Variants in RBFOX3 observed in about 807,000 individuals in gnomAD.
RBFOX3 encodes RNA binding protein fox-1 homolog 3.
A neutral mutation model predicts 48.7 loss-of-function variants in RBFOX3; 17 were observed. That is an observed-to-expected ratio of 0.35 (90% CI 0.24 to 0.52). The LOEUF (loss-of-function observed/expected upper bound fraction) is 0.52, where lower values mean the gene tolerates loss of function less well. Among genes scored for constraint, RBFOX3 ranks in the 20% least tolerant of loss-of-function variants. The pLI is 0.94. For missense variants in RBFOX3, 382 were observed against 497.5 expected, an observed-to-expected ratio of 0.77 and a Z score of 2.21; for synonymous variants, 212 against 209.5, an observed-to-expected ratio of 1.01 and a Z score of -0.10.
chr17:79,176,775 C>T (rs2050643403), intron 4 of RBFOX3, among the ~76,000 whole-genome samples: 1 of 151,464 alleles, frequency 6.6e-6, no homozygotes, highest in African/African-American at 2.4e-5. Context: ...ATGACCGTGG[C>T]AGAGAGAATA....
At chr17:79,657,620 A>G in the RBFOX3 span, among the ~76,000 whole-genome samples, 1 of 152,208 alleles carries the variant, frequency 6.6e-6, no homozygotes, top group Non-Finnish European at 1.5e-5. Context: ...CAGAGGTTGC[A>G]GTGAGCCAAG....
intron 2 of RBFOX3, among the ~76,000 whole-genome samples, chr17:79,468,617 A>G (rs2149351292): frequency 6.6e-6 from 1 of 151,038 alleles, no homozygotes; most frequent in Non-Finnish European, 1.5e-5. Context: ...GATAGATAGC[A>G]GATAGGCAGG....
chr17:79,385,252 T>G (rs1222494661), intron 2 of RBFOX3, among the ~76,000 whole-genome samples: 4 of 152,072 alleles, frequency 2.6e-5, no homozygotes, highest in Admixed American at 2.6e-4. Context: ...AAAGAAGCCC[T>G]TGGCAGCTCA....
rs1379645303 is a variant in RBFOX3 at position 79,220,443 on chromosome 17, G to C, written c.-34+15323C>G. ...CTCTGCCTCTCGCTTTATTTCCCCAGGTTGCTCAGCTCCGTGCCTGCTCTC... is the reference window on the plus strand; with the variant it reads ...CTCTGCCTCTCGCTTTATTTCCCCACGTTGCTCAGCTCCGTGCCTGCTCTC... On this transcript the variant is annotated intron_variant, in intron 4 of 14. Coordinates refer to ENST00000693108, the MANE Select transcript of RBFOX3 (RefSeq NM_001350451.2). The surrounding 1 kb of genome is among the most constrained non-coding windows in gnomAD (Gnocchi z 5.9). Among the ~76,000 whole-genome samples, 1 of 152,126 alleles carries C rather than the reference G, an allele frequency of 6.6e-6. No individual in the cohort carries two copies. Among genetic ancestry groups the C allele is most frequent in the African/African-American group, 2.4e-5 (1 of 41,426 alleles).
At chr17:79,208,003 G>C (rs1191460090) in intron 4 of RBFOX3, among the ~76,000 whole-genome samples, 1 of 152,162 alleles carries the variant, frequency 6.6e-6, no homozygotes, top group Non-Finnish European at 1.5e-5. Context: ...GGCTGGGCTG[G>C]GTGAAAGGTG....
chr17:79,092,210 G>A (rs1023965290), intron 14 of RBFOX3: 3 of 985,538 alleles, frequency 3.0e-6, no homozygotes, highest in Non-Finnish European at 2.4e-6. Flanking sequence ...GCCAGGAAAT[G>A]TGGCTCTTGC....
At chr17:79,182,929 T>C (rs1485662727) in intron 4 of RBFOX3, among the ~76,000 whole-genome samples, 5 of 148,514 alleles carry the variant, frequency 3.4e-5, no homozygotes, top group Non-Finnish European at 7.5e-5. Flanking sequence ...TTCCCCAAAG[T>C]GACCCGGGCG....
At chr17:79,093,918 C>G (rs1283456473) in intron 14 of RBFOX3, among the ~76,000 whole-genome samples, 1 of 152,238 alleles carries the variant, frequency 6.6e-6, no homozygotes, top group African/African-American at 2.4e-5. Context: ...ACTGTTTCCC[C>G]AGGACGCCAG....
intron 5 of RBFOX3, among the ~76,000 whole-genome samples, chr17:79,110,126 C>T (rs1308684627): frequency 2.0e-5 from 2 of 100,592 alleles, no homozygotes; most frequent in Non-Finnish European, 2.0e-5. Context: ...TTCTTTCCCC[C>T]ACTCAAAAAA....
chr17:79,648,396 A>T, the RBFOX3 span, among the ~76,000 whole-genome samples: 2 of 152,182 alleles, frequency 1.3e-5, no homozygotes, highest in East Asian at 3.9e-4. Flanking sequence ...CCGCTGAGGT[A>T]TGAAACAGAT....
the RBFOX3 span, among the ~76,000 whole-genome samples, chr17:79,650,775 G>C: frequency 6.6e-6 from 1 of 152,096 alleles, no homozygotes; most frequent in Non-Finnish European, 1.5e-5. Context: ...GTCCACCCAT[G>C]GCCCCCGAGG....
chr17:79,380,237 G>A (rs1204146703), intron 2 of RBFOX3, among the ~76,000 whole-genome samples: 1 of 151,982 alleles, frequency 6.6e-6, no homozygotes, highest in Non-Finnish European at 1.5e-5. Flanking sequence ...CCAGCACACG[G>A]GGCAGATCTT....
chr17:79,213,663 G>T (rs2058660348), intron 4 of RBFOX3, among the ~76,000 whole-genome samples: 1 of 152,198 alleles, frequency 6.6e-6, no homozygotes, highest in Admixed American at 6.5e-5. Flanking sequence ...CCCGGGGACT[G>T]CGACCATTAG....
intron 1 of RBFOX3, among the ~76,000 whole-genome samples, chr17:79,504,284 C>A (rs1340384657): frequency 6.6e-6 from 1 of 152,248 alleles, no homozygotes; most frequent in Non-Finnish European, 1.5e-5. Flanking sequence ...CTAGCTTCTC[C>A]CTCGCCGAGT....
At chr17:79,343,005 A>G (rs2082338622) in intron 2 of RBFOX3, among the ~76,000 whole-genome samples, 1 of 151,548 alleles carries the variant, frequency 6.6e-6, no homozygotes, top group Admixed American at 6.6e-5. Flanking sequence ...AGAGAGAGAA[A>G]CCTGGTAATG....
intron 4 of RBFOX3, chr17:79,132,951 C>T (rs1437682594): frequency 6.6e-6 from 1 of 152,344 alleles, no homozygotes; most frequent in Non-Finnish European, 1.5e-5. Flanking sequence ...TCCCCTTGCC[C>T]TCATCGTGGC....
intron 1 of RBFOX3, among the ~76,000 whole-genome samples, chr17:79,585,393 T>C (rs1260340616): frequency 3.3e-5 from 5 of 151,276 alleles, no homozygotes; most frequent in Admixed American, 2.6e-4. Context: ...CCATCTCTAC[T>C]AAAAATACGA....
chr17:79,438,545 C>T (rs1205754192), intron 2 of RBFOX3, among the ~76,000 whole-genome samples: 2 of 152,234 alleles, frequency 1.3e-5, no homozygotes, highest in African/African-American at 2.4e-5. Context: ...CTCACGATAG[C>T]GGGGCAGCCA....
chr17:79,489,373 C>T (rs2080153972), intron 1 of RBFOX3, among the ~76,000 whole-genome samples: 2 of 152,114 alleles, frequency 1.3e-5, no homozygotes, highest in South Asian at 4.2e-4. Context: ...CAGCTCACTG[C>T]AGCCTCCACC....
Sources: gnomAD v4.1 joint callset for allele counts (sites outside exome capture counted in the v4.1 genomes callset) on GRCh38, gnomAD v4.1.1 for gene constraint, Gnocchi (gnomAD v3.1) non-coding constraint, MANE v1.5 for transcripts, NCBI Gene and HGNC (gene_info 2026-07-23, HGNC 2026-07-21) for gene names.